Variants in HIVEP3 observed in about 807,000 individuals in gnomAD.
HIVEP3 encodes the protein HIVEP zinc finger 3, also known as transcription factor HIVEP3.
HIVEP3 carries 49 observed loss-of-function variants against 152.8 expected under a neutral mutation model. The ratio of observed to expected loss-of-function variants is 0.32; its 90% CI spans 0.26 to 0.41. HIVEP3 has a LOEUF of 0.41. Ranked by LOEUF, HIVEP3 falls within the 10% of genes least tolerant of loss-of-function variation. The pLI, the probability that HIVEP3 is intolerant of heterozygous loss-of-function variation, is 1.00. For missense variants in HIVEP3, 2,790 were observed against 3,103.3 expected (o/e 0.90, Z 2.40); for synonymous variants, 1,269 against 1,289.0 (o/e 0.98, Z 0.33).
intron 1 of HIVEP3, among the ~76,000 whole-genome samples, chr1:41,973,046 G>GCACACACA (rs61424124): frequency 7.8e-4 from 115 of 147,216 alleles, no homozygotes; most frequent in African/African-American, 2.7e-3. Flanking sequence ...ACATGTGCGT[G>GCACACACA]CACACACACA....
At chr1:41,874,860 T>G (rs1224556854) in intron 1 of HIVEP3, among the ~76,000 whole-genome samples, 1 of 152,184 alleles carries the variant, frequency 6.6e-6, no homozygotes. Flanking sequence ...CCTTCTCCAG[T>G]GTGTCCACCT....
chr1:41,779,646 C>T (rs1648920187), intron 1 of HIVEP3, among the ~76,000 whole-genome samples: 1 of 152,238 alleles, frequency 6.6e-6, no homozygotes, highest in Non-Finnish European at 1.5e-5. Flanking sequence ...CAAGCATAAA[C>T]CATTATGCCT....
intron 3 of HIVEP3, among the ~76,000 whole-genome samples, chr1:41,613,471 T>C (rs1008657959): frequency 5.9e-5 from 9 of 152,348 alleles, no homozygotes; most frequent in Admixed American, 5.2e-4. Flanking sequence ...GCCTGCCACA[T>C]AGTAGGCACT....
At chr1:41,799,711 C>A (rs1650192211) in intron 1 of HIVEP3, among the ~76,000 whole-genome samples, 1 of 151,876 alleles carries the variant, frequency 6.6e-6, no homozygotes, top group Non-Finnish European at 1.5e-5. Flanking sequence ...TGCATGAGAT[C>A]AAAAAAATCC....
intron 1 of HIVEP3, among the ~76,000 whole-genome samples, chr1:42,007,480 G>A (rs115227985): frequency 0.016 from 2,465 of 152,282 alleles, 64 homozygotes; most frequent in African/African-American, 0.057. Context: ...TGCAGGTAGA[G>A]TATTTGATGG....
chr1:41,893,690 T>A (rs1557494102), intron 1 of HIVEP3, among the ~76,000 whole-genome samples: 1 of 151,168 alleles, frequency 6.6e-6, no homozygotes, highest in African/African-American at 2.4e-5. Flanking sequence ...AGCCTCAGGT[T>A]TATATATATG....
Position 41,582,188 on chromosome 1 carries a change from C to T in HIVEP3, c.2610G>A (p.Glu870=), listed in dbSNP as rs767361361. ...VTEEPDRPDT[E]PEPPPKEPEK... The stretch of plus-strand genomic sequence containing the variant: ...CAGGTTCCTTAGGGGGCGGCTCTGG[C>T]TCTGTGTCCGGCCGGTCAGGCTCCT... The change falls in exon 4 of 9, where the codon GAG becomes GAA. Residue 870 remains glutamate (E), a synonymous_variant. Coordinates refer to ENST00000372583, the MANE Select transcript of HIVEP3 (RefSeq NM_024503.5). The surrounding 1 kb of genome is among the most constrained non-coding windows in gnomAD (Gnocchi z 4.7). The T allele has an allele frequency of 2.5e-6, 4 of 1,614,034 alleles. No homozygotes were observed. The highest frequency in any genetic ancestry group is 1.7e-5 in the Admixed American group (1 of 60,006).
chr1:41,692,413 G>A (rs1235346881), intron 2 of HIVEP3, among the ~76,000 whole-genome samples: 1 of 152,204 alleles, frequency 6.6e-6, no homozygotes, highest in Admixed American at 6.5e-5. Context: ...GGTAAGCTTT[G>A]TTCAGAGAGG....
chr1:41,831,223 T>C (rs1432051196), intron 1 of HIVEP3, among the ~76,000 whole-genome samples: 8 of 152,208 alleles, frequency 5.3e-5, no homozygotes, highest in Non-Finnish European at 1.0e-4. Flanking sequence ...TGCACACACA[T>C]TCATAGTGGG....
intron 1 of HIVEP3, among the ~76,000 whole-genome samples, chr1:41,839,409 A>C (rs544501466): frequency 4.9e-4 from 75 of 152,152 alleles, no homozygotes; most frequent in African/African-American, 1.7e-3. Context: ...TTCTCAGCTC[A>C]CTCTCACGTA....
intron 1 of HIVEP3, among the ~76,000 whole-genome samples, chr1:41,964,282 G>A (rs1188352927): frequency 2.0e-5 from 3 of 152,196 alleles, no homozygotes; most frequent in African/African-American, 7.2e-5. Context: ...AAGCAGGCTG[G>A]AGCAATGGCC....
chr1:41,566,582 A>G (rs1273055154), intron 5 of HIVEP3, among the ~76,000 whole-genome samples: 2 of 152,116 alleles, frequency 1.3e-5, no homozygotes, highest in African/African-American at 4.8e-5. Flanking sequence ...TCTTAGGACA[A>G]CGCTTACACA....
chr1:41,689,895 G>A (rs1016981488), intron 2 of HIVEP3, among the ~76,000 whole-genome samples: 3 of 152,188 alleles, frequency 2.0e-5, no homozygotes, highest in Non-Finnish European at 2.9e-5. Flanking sequence ...GCAGCCTGTC[G>A]GCTCCGCCTC....
chr1:41,656,483 C>T (rs1433738710), intron 2 of HIVEP3, among the ~76,000 whole-genome samples: 2 of 152,202 alleles, frequency 1.3e-5, no homozygotes, highest in African/African-American at 2.4e-5. Flanking sequence ...CCCATGCCCG[C>T]CTTTCACCAA....
chr1:41,525,358 A>G (rs1348518674), intron 5 of HIVEP3, among the ~76,000 whole-genome samples: 5 of 152,190 alleles, frequency 3.3e-5, no homozygotes, highest in African/African-American at 1.2e-4. Context: ...CAGGCACTTT[A>G]CCCAAATCAA....
intron 1 of HIVEP3, among the ~76,000 whole-genome samples, chr1:41,702,619 G>T (rs182895447): frequency 6.6e-6 from 1 of 152,156 alleles, no homozygotes; most frequent in Non-Finnish European, 1.5e-5. Flanking sequence ...TATTATTCAT[G>T]TTATTGTTAT....
intron 5 of HIVEP3, among the ~76,000 whole-genome samples, chr1:41,574,960 G>GAAACCATTCGTT (rs1644305037): frequency 6.6e-6 from 1 of 152,200 alleles, no homozygotes; most frequent in South Asian, 2.1e-4. Context: ...GTTTCCCAAA[G>GAAACCATTCGTT]TCAAGCATCA....
At chr1:41,699,653 G>A (rs534200849) in intron 2 of HIVEP3, among the ~76,000 whole-genome samples, 8 of 152,214 alleles carry the variant, frequency 5.3e-5, no homozygotes, top group Middle Eastern at 3.4e-3. Context: ...ATGGGGCCCC[G>A]GGGACCTGAA....
intron 2 of HIVEP3, among the ~76,000 whole-genome samples, chr1:41,660,249 C>T (rs1340822643): frequency 1.3e-5 from 2 of 152,138 alleles, no homozygotes; most frequent in African/African-American, 2.4e-5. Flanking sequence ...ACCACAGGCT[C>T]CACATGTGGT....
Sources: allele counts gnomAD v4.1 joint callset (sites outside exome capture counted in the v4.1 genomes callset), GRCh38; gene constraint gnomAD v4.1.1; non-coding constraint Gnocchi (gnomAD v3.1); transcripts MANE v1.5; gene names NCBI Gene and HGNC (gene_info 2026-07-23, HGNC 2026-07-21).